Variants in ADAMTS17 observed in about 807,000 individuals in gnomAD.
ADAMTS17 encodes the protein ADAM metallopeptidase with thrombospondin type 1 motif 17, also known as A disintegrin and metalloproteinase with thrombospondin motifs 17.
ADAMTS17 carries 113 observed loss-of-function variants against 141.5 expected under a neutral mutation model. The ratio of observed to expected loss-of-function variants is 0.80; its 90% CI spans 0.69 to 0.93. The LOEUF is 0.93. Among genes scored for constraint, ADAMTS17 ranks in the 40% least tolerant of loss-of-function variants. ADAMTS17 has a pLI of 0.00. For synonymous variants in ADAMTS17, 768 were observed against 630.6 expected, an observed-to-expected ratio of 1.22 and a Z score of -3.27; for missense variants, 1,659 against 1,517.9, an observed-to-expected ratio of 1.09 and a Z score of -1.54.
chr15:100,163,150 T>C (rs937625975), intron 8 of ADAMTS17, among the ~76,000 whole-genome samples: 28 of 151,946 alleles, frequency 1.8e-4, no homozygotes, highest in African/African-American at 6.8e-4. Context: ...CGTACGTACA[T>C]ATATACACAC....
intron 7 of ADAMTS17, among the ~76,000 whole-genome samples, chr15:100,230,677 C>G (rs1489815594): frequency 6.6e-6 from 1 of 152,142 alleles, no homozygotes; most frequent in African/African-American, 2.4e-5. Flanking sequence ...GATCACTCAG[C>G]AAAAGCTTAG....
At chr15:100,232,744 C>T (rs575201898) in intron 7 of ADAMTS17, among the ~76,000 whole-genome samples, 7 of 152,290 alleles carry the variant, frequency 4.6e-5, no homozygotes, top group East Asian at 1.9e-4. Context: ...TTGGCCCATG[C>T]GGGACACCCT....
chr15:100,019,973 C>T (rs1242219277), intron 18 of ADAMTS17, among the ~76,000 whole-genome samples: 2 of 145,060 alleles, frequency 1.4e-5, no homozygotes, highest in African/African-American at 2.7e-5. Context: ...AACAGGTTAG[C>T]CCCAAGCCTC....
intron 18 of ADAMTS17, among the ~76,000 whole-genome samples, chr15:100,007,205 A>T (rs1471907030): frequency 2.0e-5 from 3 of 152,254 alleles, no homozygotes; most frequent in African/African-American, 7.2e-5. Context: ...AGCGGGGCTC[A>T]GCATTCAGAC....
At chr15:100,226,609 G>A (rs1423386576) in intron 7 of ADAMTS17, among the ~76,000 whole-genome samples, 1 of 152,200 alleles carries the variant, frequency 6.6e-6, no homozygotes, top group Non-Finnish European at 1.5e-5. Flanking sequence ...CACTGCATTT[G>A]CAGATCTGGG....
chr15:100,175,980 G>C (rs1305368439), intron 8 of ADAMTS17, among the ~76,000 whole-genome samples: 2 of 152,176 alleles, frequency 1.3e-5, no homozygotes, highest in Non-Finnish European at 2.9e-5. Context: ...GCCGAAACAA[G>C]ATAGGGGACC....
intron 8 of ADAMTS17, among the ~76,000 whole-genome samples, chr15:100,194,127 G>T (rs1000538643): frequency 6.6e-6 from 1 of 152,216 alleles, no homozygotes; most frequent in Non-Finnish European, 1.5e-5. Flanking sequence ...GTGGCGGATA[G>T]TTCACAAAGC....
intron 20 of ADAMTS17, chr15:99,979,357 C>A (rs2060434592): frequency 6.7e-6 from 1 of 149,584 alleles, no homozygotes; most frequent in Non-Finnish European, 1.5e-5. Context: ...CCACTGCACT[C>A]CAGCCTGGGC....
chr15:100,128,692 G>A (rs919462820), intron 12 of ADAMTS17: 8 of 152,256 alleles, frequency 5.3e-5, no homozygotes, highest in African/African-American at 1.2e-4. Flanking sequence ...GGACCTGGGG[G>A]AATGGGGTGA....
At chr15:100,305,872 C>T (rs537975953) in intron 3 of ADAMTS17, 1 of 152,306 alleles carries the variant, frequency 6.6e-6, no homozygotes, top group East Asian at 1.9e-4. Flanking sequence ...TAAATTTAAA[C>T]AAACTCATCA....
At chr15:100,092,615 G>A (rs765240922) in intron 15 of ADAMTS17, among the ~76,000 whole-genome samples, 5 of 151,654 alleles carry the variant, frequency 3.3e-5, no homozygotes, top group South Asian at 4.2e-4. Flanking sequence ...CCGCCCCCAC[G>A]AGATTCCACA....
At chr15:100,037,602 T>C (rs2030864177) in intron 18 of ADAMTS17, among the ~76,000 whole-genome samples, 2 of 151,942 alleles carry the variant, frequency 1.3e-5, no homozygotes, top group African/African-American at 4.8e-5. Flanking sequence ...AGAGATGGGG[T>C]TTCACCATGT....
chr15:100,185,125 G>A (rs999516397), intron 8 of ADAMTS17, among the ~76,000 whole-genome samples: 3 of 152,196 alleles, frequency 2.0e-5, no homozygotes, highest in Non-Finnish European at 4.4e-5. Flanking sequence ...CAGCAGTGTG[G>A]ACACTGAGAC....
At chr15:100,053,801 C>T (rs77700793) in intron 16 of ADAMTS17, 96 bp downstream of exon 16, 25,043 of 1,582,472 alleles carry the variant, frequency 0.016, 240 homozygotes, top group Non-Finnish European at 0.019. Flanking sequence ...GCATTTCCTG[C>T]CCCCGAGGTC....
intron 20 of ADAMTS17, among the ~76,000 whole-genome samples, chr15:99,986,314 A>C (rs1316291342): frequency 2.0e-5 from 3 of 152,234 alleles, no homozygotes; most frequent in Non-Finnish European, 4.4e-5. Context: ...AGAACACAGA[A>C]AGGCATCTAA....
At chr15:100,261,674 C>T (rs1433566698) in intron 5 of ADAMTS17, 38 bp from the exon 6 acceptor site, 2 of 1,599,936 alleles carry the variant, frequency 1.3e-6, no homozygotes, top group African/African-American at 1.3e-5. Flanking sequence ...AAACAAACGC[C>T]TGGGAGGCCA....
chr15:100,147,288 C>A (rs1045562992), intron 10 of ADAMTS17, among the ~76,000 whole-genome samples: 1 of 152,196 alleles, frequency 6.6e-6, no homozygotes, highest in African/African-American at 2.4e-5. Flanking sequence ...ACCTACGTGA[C>A]TATCAGGGCA....
rs1391562012 is a variant in ADAMTS17, at chr15:99,985,340, G to A, written c.2949+7708C>T. ...CTGCTGCCATGGCACAGTTTCATGT[G>A]TCCCAGAAAAGGGCCCCAGGGTCCC... On this transcript the variant is annotated intron_variant, in intron 20 of 21. Transcript: ENST00000268070. Among the ~76,000 whole-genome samples the A allele has an allele frequency of 3.3e-5, 5 of 152,202 alleles. No homozygotes were observed. In the East Asian group the frequency reaches 5.8e-4, roughly 18 times the overall value.
At chr15:100,115,539 A>T (rs1017135379) in intron 13 of ADAMTS17, among the ~76,000 whole-genome samples, 2 of 152,184 alleles carry the variant, frequency 1.3e-5, no homozygotes, top group African/African-American at 4.8e-5. Context: ...TTAGAGCATC[A>T]CATGTTGCTC....
Sources: gnomAD v4.1 joint callset for allele counts (sites outside exome capture counted in the v4.1 genomes callset) on GRCh38, gnomAD v4.1.1 for gene constraint, MANE v1.5 for transcripts, NCBI Gene and HGNC (gene_info 2026-07-23, HGNC 2026-07-21) for gene names.